The following CD82 variants were observed in gnomAD, a reference collection of about 807,000 sequenced individuals.
CD82 encodes CD82 molecule, also known as CD82 antigen.
In CD82, 36 loss-of-function variants were observed where a neutral mutation model predicts 37.4. That is an observed-to-expected ratio of 0.96 (90% CI 0.74 to 1.27). CD82 has a LOEUF of 1.27. Among genes scored for constraint, CD82 ranks in the 50% most tolerant of loss-of-function variants. The probability of loss-of-function intolerance (pLI) is 0.00; values close to 1 mark genes in which losing one functional copy is unlikely to be tolerated. For missense variants in CD82, 340 were observed against 347.0 expected (o/e 0.98, Z 0.16); for synonymous variants, 158 against 137.4 (o/e 1.15, Z -1.05).
At chr11:44,594,754 C>T (rs766793766) in intron 3 of CD82, 29 bp downstream of exon 3, 1 of 1,582,716 alleles carries the variant, frequency 6.3e-7, no homozygotes, top group African/African-American at 1.3e-5. Flanking sequence ...GTCCTGACCA[C>T]CTCCGAAAAG....
chr11:44,608,436 C>T (rs947861313), intron 6 of CD82, among the ~76,000 whole-genome samples: 2 of 152,214 alleles, frequency 1.3e-5, no homozygotes, highest in African/African-American at 4.8e-5. Context: ...AAATCTGCCT[C>T]TCCCTGCTCT....
At chr11:44,580,383 C>T (rs763549612) in intron 1 of CD82, among the ~76,000 whole-genome samples, 27 of 152,164 alleles carry the variant, frequency 1.8e-4, no homozygotes, top group Non-Finnish European at 3.2e-4. Context: ...AGGATTAGCC[C>T]ATTGGACAGA....
intron 1 of CD82, chr11:44,587,159 G>C: frequency 2.9e-6 from 1 of 340,622 alleles, no homozygotes; most frequent in Non-Finnish European, 5.8e-6. Flanking sequence ...TGGGTGTTTA[G>C]GGAGGGCCTT....
chr11:44,587,362 C>T (rs574702463), intron 1 of CD82, 113 bp from the exon 2 acceptor site: 16 of 443,134 alleles, frequency 3.6e-5, no homozygotes, highest in Non-Finnish European at 6.4e-5. Context: ...GCAACCCTGG[C>T]GGGGCCCCGC....
At chr11:44,596,683 G>C (rs1361153562) in intron 3 of CD82, among the ~76,000 whole-genome samples, 2 of 152,126 alleles carry the variant, frequency 1.3e-5, no homozygotes, top group African/African-American at 2.4e-5. Context: ...ATGGTGGAGG[G>C]GGGAGGGGCA....
rs1341126889 is a variant in CD82, at chr11:44,619,146, TC to T, written c.*23del. 1.3e-5 allele frequency: 21 copies of T among 1,601,496 alleles called. No homozygotes were observed. Among genetic ancestry groups the T allele is most frequent in the Non-Finnish European group, 1.8e-5 (21 of 1,168,914 alleles). ...TACTGAGGCAGCTGCTATCCCCATC[TC>T]CCTGCCTGGCCCCCAACCTCAGGGC... On this transcript the variant is annotated 3_prime_UTR_variant, in exon 10 of 10. Transcript: ENST00000227155.
chr11:44,592,053 A>G (rs1343738909), intron 2 of CD82, among the ~76,000 whole-genome samples: 3 of 152,090 alleles, frequency 2.0e-5, no homozygotes, highest in Non-Finnish European at 4.4e-5. Flanking sequence ...TCCTGACCTC[A>G]GGTCTTCTGC....
intron 7 of CD82, among the ~76,000 whole-genome samples, chr11:44,617,658 A>G (rs927199695): frequency 6.6e-6 from 1 of 151,784 alleles, no homozygotes; most frequent in Non-Finnish European, 1.5e-5. Context: ...GGCAAATCTC[A>G]ACTCCTGCAC....
intron 4 of CD82, among the ~76,000 whole-genome samples, 160 bp downstream of exon 4, chr11:44,600,390 G>A (rs1001892328): frequency 3.9e-5 from 6 of 152,342 alleles, no homozygotes; most frequent in African/African-American, 1.2e-4. Context: ...ACTGCCCATG[G>A]CTCCCTCTGC....
chr11:44,598,240 C>T (rs1038380421), intron 3 of CD82, among the ~76,000 whole-genome samples: 2 of 152,004 alleles, frequency 1.3e-5, no homozygotes, highest in African/African-American at 4.8e-5. Flanking sequence ...TCATCAGTCA[C>T]AGTGGTCTTT....
chr11:44,587,215 TAC>T, intron 1 of CD82: 1 of 340,466 alleles, frequency 2.9e-6, no homozygotes, highest in Non-Finnish European at 5.9e-6. Flanking sequence ...TGTGGGAAAA[TAC>T]GGGAAAAGAG....
At chr11:44,606,049 G>C (rs1283630509) in intron 6 of CD82, 1 of 152,658 alleles carries the variant, frequency 6.6e-6, no homozygotes, top group Non-Finnish European at 1.5e-5. Flanking sequence ...AGAGGCCCTG[G>C]TTCTGGCTGT....
intron 1 of CD82, among the ~76,000 whole-genome samples, chr11:44,577,049 C>T (rs138251298): frequency 8.6e-4 from 131 of 152,182 alleles, no homozygotes; most frequent in African/African-American, 2.9e-3. Flanking sequence ...GTACAAGGGG[C>T]CCAGGATCCC....
In CD82 at chr11:44,618,173, C is replaced by T. The variant is rs150371864; in HGVS notation, c.450C>T (p.Cys150=). 313 of 1,613,840 alleles carry T rather than the reference C, an allele frequency of 1.9e-4. 1 individual carries two copies. Among genetic ancestry groups the T allele is most frequent in the South Asian group, 1.4e-3 (123 of 91,076 alleles). ...WDYVQAQVKC[C]GWVSFYNWTD... ...CCTGCCTTGCCCAGGTGAAGTGCTG[C>T]GGCTGGGTCAGCTTCTACAACTGGA... Residue 150 remains cysteine, a synonymous_variant, in exon 8 of 10, where the codon TGC becomes TGT. Coordinates refer to ENST00000227155, the MANE Select transcript of CD82 (RefSeq NM_002231.4).
At chr11:44,596,928 G>T in intron 3 of CD82, 1 of 456,148 alleles carries the variant, frequency 2.2e-6, no homozygotes, top group South Asian at 1.5e-5. Flanking sequence ...GAACAGATAG[G>T]CTCTTCGGAA....
intron 6 of CD82, chr11:44,608,015 C>T (rs1853423662): frequency 6.6e-6 from 1 of 152,244 alleles, no homozygotes; most frequent in Non-Finnish European, 1.5e-5. Context: ...CCTTAGTCCA[C>T]CACCATCTTT....
chr11:44,618,311 C>A lies in CD82; in HGVS notation c.588C>A (p.Pro196=), dbSNP rs773861588. 1.2e-6 allele frequency: 2 copies of A among 1,613,762 alleles called. No individual in the cohort carries two copies. The highest frequency in any genetic ancestry group is 1.1e-5 in the South Asian group (1 of 91,078). ...LSVRKGFCEA[P]GNRTQSGNHP... is the part of the protein sequence containing the mutation. ...TGAGGAAGGGCTTCTGCGAGGCCCC[C>A]GGCAACAGGACCCAGAGTGGCAACC... The change falls in exon 8 of 10, where the codon CCC becomes CCA. Residue 196 remains proline, a synonymous_variant. Transcript: ENST00000227155.
chr11:44,599,340 C>T (rs1853274111), intron 3 of CD82, among the ~76,000 whole-genome samples: 1 of 152,198 alleles, frequency 6.6e-6, no homozygotes, highest in African/African-American at 2.4e-5. Flanking sequence ...GTCAAGGTCT[C>T]ACTGTGTTGC....
rs752282276 is a variant in CD82, at chr11:44,618,738, C to T, written c.726+15C>T. ...CCATCATCGAGGTCTGAGCCCCCTC[C>T]CCCATCCCTTCTCCATCCCAGGTCC... On this transcript the variant is annotated intron_variant, in intron 9 of 9. Coordinates refer to ENST00000227155, the MANE Select transcript of CD82 (RefSeq NM_002231.4). 1.2e-5 allele frequency: 20 copies of T among 1,603,416 alleles called. No homozygotes were observed. The highest frequency in any genetic ancestry group is 1.7e-5 in the Non-Finnish European group (20 of 1,171,396).
Sources: gnomAD v4.1 joint callset for allele counts (sites outside exome capture counted in the v4.1 genomes callset) on GRCh38, gnomAD v4.1.1 for gene constraint, MANE v1.5 for transcripts, NCBI Gene and HGNC (gene_info 2026-07-23, HGNC 2026-07-21) for gene names.